NPAS2: variants seen among roughly 807,000 people sequenced by gnomAD.
NPAS2 encodes the protein neuronal PAS domain protein 2.
NPAS2 carries 23 observed loss-of-function variants against 107.5 expected under a neutral mutation model. The observed-to-expected ratio is 0.21, with a 90% CI of 0.15 to 0.30. The LOEUF is 0.30. NPAS2 is among the 10% of genes least tolerant of loss of function. The pLI, the probability that NPAS2 is intolerant of heterozygous loss-of-function variation, is 1.00. For missense variants in NPAS2, 756 were observed against 1,043.3 expected (o/e 0.72, Z 3.79); for synonymous variants, 403 against 417.5 (o/e 0.97, Z 0.42).
intron 13 of NPAS2, 28 bp from the exon 14 acceptor site, chr2:100,975,430 T>C: frequency 6.3e-7 from 1 of 1,593,490 alleles, no homozygotes; most frequent in Non-Finnish European, 8.6e-7. Context: ...ACATGGAAGT[T>C]AGAAGGTCAT....
In NPAS2 at chr2:100,953,399, AC is replaced by A. The variant is rs1331162070; in HGVS notation, c.598+3920del. 2.6e-5 allele frequency among the ~76,000 whole-genome samples: 4 copies of A among 151,700 alleles called. No individual in the cohort carries two copies. The East Asian group carries it at 7.7e-4, about 29-fold the overall frequency. ...ATAAAAAAAAAAAAAAACAAAAAAAACACCCTATAAAATTGCCAACATTTAA... is the reference window on the plus strand; with the variant it reads ...ATAAAAAAAAAAAAAAACAAAAAAAAACCCTATAAAATTGCCAACATTTAA... On this transcript the variant is annotated intron_variant, in intron 7 of 20. Transcript: ENST00000335681.
chr2:100,847,670 A>G (rs904552388), intron 1 of NPAS2, among the ~76,000 whole-genome samples: 2 of 152,170 alleles, frequency 1.3e-5, no homozygotes, highest in Admixed American at 6.6e-5. Context: ...ATGCCTGGCC[A>G]TAAATACTTT....
chr2:100,852,055 A>G (rs1299216717), intron 1 of NPAS2, among the ~76,000 whole-genome samples: 2 of 152,182 alleles, frequency 1.3e-5, no homozygotes, highest in East Asian at 3.9e-4. Context: ...TTTGAACAGG[A>G]AAAAGTGAGG....
At chr2:100,890,188 C>A (rs917283433) in intron 1 of NPAS2, among the ~76,000 whole-genome samples, 14 of 152,110 alleles carry the variant, frequency 9.2e-5, no homozygotes, top group Non-Finnish European at 1.8e-4. Flanking sequence ...TTGTTAGGCC[C>A]CAGCCCTGGT....
At chr2:100,954,763 C>T (rs1010268240) in intron 7 of NPAS2, among the ~76,000 whole-genome samples, 2 of 151,106 alleles carry the variant, frequency 1.3e-5, no homozygotes, top group Non-Finnish European at 2.9e-5. Flanking sequence ...CTCCAAGTTC[C>T]CAGGTGTGGT....
chr2:100,959,068 C>CA (rs1675752186), intron 7 of NPAS2, among the ~76,000 whole-genome samples: 1 of 127,968 alleles, frequency 7.8e-6, no homozygotes, highest in Non-Finnish European at 1.6e-5. Flanking sequence ...GCCTGGGCAA[C>CA]ATGGTGAAAC....
At chr2:100,990,035 C>A in intron 17 of NPAS2, 1 of 566,788 alleles carries the variant, frequency 1.8e-6, no homozygotes, top group Non-Finnish European at 3.1e-6. Context: ...GGCACATTTG[C>A]TACTTGCCTG....
At chr2:100,843,921 A>G (rs1374324523) in intron 1 of NPAS2, among the ~76,000 whole-genome samples, 6 of 152,210 alleles carry the variant, frequency 3.9e-5, no homozygotes, top group African/African-American at 1.4e-4. Flanking sequence ...AAGGAATTCC[A>G]GCACCCATGT....
chr2:100,976,710 A>T lies in NPAS2; in HGVS notation c.1393-1000A>T, dbSNP rs1432937427. 2.0e-5 allele frequency: 3 copies of T among 152,152 alleles called. No individual in the cohort carries two copies. Among genetic ancestry groups the T allele is most frequent in the African/African-American group, 7.2e-5 (3 of 41,414 alleles). 9.4% of individuals were successfully genotyped at this position (152,152 alleles called of 1,614,324 possible). A position where few individuals can be genotyped will look rare whatever the true frequency, so the allele number is the denominator to read the frequency against. ...TTTCAAGTAGAATGTGGCAAAGACC[A>T]CTTACTTTCTCTCCAGCCACCTCCA... On this transcript the variant is annotated intron_variant, in intron 14 of 20. Transcript: ENST00000335681. The surrounding 1 kb of genome is among the most constrained non-coding windows in gnomAD (Gnocchi z 4.1).
chr2:100,832,014 C>T (rs530350418), intron 1 of NPAS2, among the ~76,000 whole-genome samples: 1 of 152,140 alleles, frequency 6.6e-6, no homozygotes, highest in Non-Finnish European at 1.5e-5. Flanking sequence ...CCAGTTATTC[C>T]TGGGATGCTT....
intron 2 of NPAS2, among the ~76,000 whole-genome samples, chr2:100,919,136 A>G (rs1387168943): frequency 4.6e-5 from 7 of 152,222 alleles, no homozygotes; most frequent in African/African-American, 1.4e-4. Flanking sequence ...AGCCAGGCTC[A>G]AAAGGTTACA....
chr2:100,858,828 C>A (rs1015475219), intron 1 of NPAS2, among the ~76,000 whole-genome samples: 1 of 152,080 alleles, frequency 6.6e-6, no homozygotes, highest in South Asian at 2.1e-4. Flanking sequence ...GTGCACGCCC[C>A]GTCCTGTTTA....
At chr2:100,947,550 C>T (rs1290162902) in intron 5 of NPAS2, among the ~76,000 whole-genome samples, 1 of 115,666 alleles carries the variant, frequency 8.6e-6, no homozygotes, top group Admixed American at 1.0e-4. Context: ...AACACTCTGT[C>T]TCAAAAAAAA....
intron 4 of NPAS2, chr2:100,935,214 G>A (rs888175250): frequency 3.9e-5 from 14 of 361,816 alleles, no homozygotes; most frequent in Admixed American, 3.2e-4. Context: ...TGTGGCCTGC[G>A]GAATAGGGAG....
chr2:100,890,884 C>T (rs1450147275), intron 1 of NPAS2, among the ~76,000 whole-genome samples: 1 of 152,018 alleles, frequency 6.6e-6, no homozygotes, highest in East Asian at 2.0e-4. Context: ...GCAGGAGACC[C>T]CTGGCTGCAC....
At chr2:100,836,858 C>T (rs1677104679) in intron 1 of NPAS2, among the ~76,000 whole-genome samples, 1 of 152,066 alleles carries the variant, frequency 6.6e-6, no homozygotes, top group Non-Finnish European at 1.5e-5. Context: ...AATGTGTGGT[C>T]AGAAATATGA....
At chr2:100,959,083 T>C (rs75981032) in intron 7 of NPAS2, among the ~76,000 whole-genome samples, 12,211 of 108,250 alleles carry the variant, frequency 0.11, 1,037 homozygotes, top group East Asian at 0.43. Context: ...TGAAACCCCA[T>C]CTCTTCAAAA....
chr2:100,916,094 A>G (rs769541990), intron 2 of NPAS2, among the ~76,000 whole-genome samples: 13 of 152,310 alleles, frequency 8.5e-5, no homozygotes, highest in Middle Eastern at 6.8e-3. Flanking sequence ...ACAAAGAAAT[A>G]TGGAGGGGAA....
At position 100,820,904 on chromosome 2, in the gene NPAS2, G is replaced by A. The variant is rs1225535236; in HGVS notation, c.-23+490G>A. ...CTCTCGGAGTCCCTGGGTCGGAATT[G>A]GTTCCGGGCCGGATTGGGTGCGGAA... On this transcript the variant is annotated intron_variant, in intron 1 of 20. Coordinates refer to ENST00000335681, the MANE Select transcript of NPAS2 (RefSeq NM_002518.4). This position sits in a 1 kb window ranked among gnomAD's most constrained non-coding sequence, Gnocchi z 5.6. 1 of 541,466 alleles carries A rather than the reference G, an allele frequency of 1.8e-6. No homozygotes were observed. Among genetic ancestry groups the A allele is most frequent in the African/African-American group, 2.0e-5 (1 of 49,184 alleles). The allele number at this position is 541,466 out of a possible 1,614,324, so 33.5% of individuals were successfully genotyped here.
Sources: gnomAD v4.1 joint callset for allele counts (sites outside exome capture counted in the v4.1 genomes callset) on GRCh38, gnomAD v4.1.1 for gene constraint, Gnocchi (gnomAD v3.1) non-coding constraint, MANE v1.5 for transcripts, NCBI Gene and HGNC (gene_info 2026-07-23, HGNC 2026-07-21) for gene names.